CACNB4: variants seen among roughly 807,000 people sequenced by gnomAD.
CACNB4 encodes voltage-dependent L-type calcium channel subunit beta-4.
A neutral mutation model predicts 71.2 loss-of-function variants in CACNB4; 32 were observed. The ratio of observed to expected loss-of-function variants is 0.45; its 90% confidence interval spans 0.34 to 0.60. The LOEUF (loss-of-function observed/expected upper bound fraction) is 0.60. CACNB4 is among the 20% of genes least tolerant of loss of function. The pLI, the probability that CACNB4 is intolerant of heterozygous loss-of-function variation, is 0.01. For synonymous variants in CACNB4, 231 were observed against 236.9 expected, an observed-to-expected ratio of 0.97 and a Z score of 0.23; for missense variants, 464 against 647.9, an observed-to-expected ratio of 0.72 and a Z score of 3.08.
intron 2 of CACNB4, among the ~76,000 whole-genome samples, chr2:152,033,653 G>C (rs1684405878): frequency 6.6e-6 from 1 of 152,116 alleles, no homozygotes; most frequent in Non-Finnish European, 1.5e-5. Flanking sequence ...AAGGACGTAG[G>C]AGCCAAACTT....
At chr2:152,070,418 A>G (rs1686615679) in intron 2 of CACNB4, among the ~76,000 whole-genome samples, 1 of 152,170 alleles carries the variant, frequency 6.6e-6, no homozygotes, top group African/African-American at 2.4e-5. Flanking sequence ...CTTTATGCAT[A>G]TCAAAGATAC....
At chr2:151,879,299 C>T (rs1005322199) in intron 4 of CACNB4, among the ~76,000 whole-genome samples, 1 of 152,184 alleles carries the variant, frequency 6.6e-6, no homozygotes, top group Non-Finnish European at 1.5e-5. Context: ...TTCTAGGAAA[C>T]AGCGAAAGCA....
chr2:152,075,144 A>G (rs1686939834), intron 2 of CACNB4, among the ~76,000 whole-genome samples: 1 of 152,216 alleles, frequency 6.6e-6, no homozygotes, highest in Non-Finnish European at 1.5e-5. Flanking sequence ...TTCATTTTTC[A>G]AAATTCTGAC....
chr2:151,990,590 T>C (rs1250901618), intron 2 of CACNB4, among the ~76,000 whole-genome samples: 1 of 152,208 alleles, frequency 6.6e-6, no homozygotes, highest in Non-Finnish European at 1.5e-5. Context: ...GCCTGTGACA[T>C]AGAAAGTGCC....
intron 2 of CACNB4, among the ~76,000 whole-genome samples, chr2:152,011,522 T>C (rs922281407): frequency 1.3e-5 from 2 of 152,226 alleles, no homozygotes; most frequent in Non-Finnish European, 2.9e-5. Flanking sequence ...CATAGAACCC[T>C]GCCGTCCCAG....
intron 2 of CACNB4, among the ~76,000 whole-genome samples, chr2:151,934,444 T>C (rs2099862419): frequency 1.3e-5 from 2 of 152,260 alleles, no homozygotes; most frequent in African/African-American, 4.8e-5. Flanking sequence ...CTTAACAGCA[T>C]TGTCTCGTTC....
At chr2:152,031,414 A>T (rs1407060736) in intron 2 of CACNB4, among the ~76,000 whole-genome samples, 3 of 152,218 alleles carry the variant, frequency 2.0e-5, no homozygotes, top group Non-Finnish European at 2.9e-5. Context: ...CAGAAACTGG[A>T]AACATGGGAC....
intron 2 of CACNB4, among the ~76,000 whole-genome samples, chr2:152,006,756 T>C (rs1560126635): frequency 1.3e-5 from 2 of 152,200 alleles, no homozygotes; most frequent in Non-Finnish European, 2.9e-5. Context: ...TCACGTTTCA[T>C]TCATACGAAC....
chr2:151,951,339 C>T (rs2099866868), intron 2 of CACNB4, among the ~76,000 whole-genome samples: 1 of 152,022 alleles, frequency 6.6e-6, no homozygotes, highest in Non-Finnish European at 1.5e-5. Context: ...CTTTCCCCTA[C>T]CCAATTCCCC....
intron 2 of CACNB4, among the ~76,000 whole-genome samples, chr2:152,002,507 A>G (rs1188971669): frequency 2.0e-5 from 3 of 152,372 alleles, no homozygotes. Flanking sequence ...TCCCCAAAGC[A>G]AAATGTTATT....
intron 2 of CACNB4, among the ~76,000 whole-genome samples, chr2:152,072,726 C>T (rs1188877612): frequency 6.6e-6 from 1 of 151,764 alleles, no homozygotes; most frequent in African/African-American, 2.4e-5. Context: ...CTGCAAGCTC[C>T]GCCTCCCGGT....
At chr2:152,025,551 G>C (rs1260452596) in intron 2 of CACNB4, among the ~76,000 whole-genome samples, 1 of 152,200 alleles carries the variant, frequency 6.6e-6, no homozygotes, top group Admixed American at 6.5e-5. Flanking sequence ...CTAAAAGAAT[G>C]ATTGCCCAGG....
intron 2 of CACNB4, among the ~76,000 whole-genome samples, chr2:151,956,251 T>C (rs1219223904): frequency 6.6e-6 from 1 of 152,248 alleles, no homozygotes; most frequent in African/African-American, 2.4e-5. Flanking sequence ...GCATGAATGT[T>C]CACAGCAGCA....
chr2:152,046,588 A>G (rs1361837911), intron 2 of CACNB4, among the ~76,000 whole-genome samples: 1 of 152,026 alleles, frequency 6.6e-6, no homozygotes, highest in Non-Finnish European at 1.5e-5. Context: ...ACAGAGTTCT[A>G]TCTATTCAGC....
intron 2 of CACNB4, among the ~76,000 whole-genome samples, chr2:151,894,979 C>T (rs1341792990): frequency 6.6e-6 from 1 of 151,834 alleles, no homozygotes. Flanking sequence ...TTAAAATGAC[C>T]ATATTACCCA....
chr2:151,883,101 G>C, intron 3 of CACNB4, 150 bp downstream of exon 3: 2 of 713,244 alleles, frequency 2.8e-6, no homozygotes, highest in Middle Eastern at 3.8e-4. Context: ...ACCTCACTTA[G>C]AGGTGAAAGG....
intron 2 of CACNB4, among the ~76,000 whole-genome samples, chr2:151,918,288 AC>A (rs2099858074): frequency 6.6e-6 from 1 of 152,180 alleles, no homozygotes; most frequent in South Asian, 2.1e-4. Flanking sequence ...TAAGCATTCA[AC>A]TACAGGTAGG....
chr2:152,087,624 G>T (rs1687734941), intron 2 of CACNB4, among the ~76,000 whole-genome samples: 1 of 152,032 alleles, frequency 6.6e-6, no homozygotes, highest in South Asian at 2.1e-4. Flanking sequence ...ATTTAGACCA[G>T]GGGCTATAAC....
chr2:152,029,204 A>C (rs1244284556), intron 2 of CACNB4, among the ~76,000 whole-genome samples: 1 of 152,178 alleles, frequency 6.6e-6, no homozygotes, highest in East Asian at 1.9e-4. Flanking sequence ...AAGAAAAGAA[A>C]GAGCCCAGGG....
Sources: gnomAD v4.1 joint callset for allele counts (sites outside exome capture counted in the v4.1 genomes callset) on GRCh38, gnomAD v4.1.1 for gene constraint, MANE v1.5 for transcripts, NCBI Gene and HGNC (gene_info 2026-07-23, HGNC 2026-07-21) for gene names.